The following ARRDC5 variants were observed in gnomAD, a reference collection of about 807,000 sequenced individuals.
The protein encoded by ARRDC5 is arrestin domain-containing protein 5.
In ARRDC5, 12 loss-of-function variants were observed where a neutral mutation model predicts 13.3. The observed-to-expected ratio is 0.90, with a 90% CI of 0.58 to 1.46. The LOEUF (loss-of-function observed/expected upper bound fraction) is 1.46, where lower values mean the gene tolerates loss of function less well. Ranked by LOEUF, ARRDC5 falls within the 40% of genes most tolerant of loss-of-function variation. The pLI, the probability that ARRDC5 is intolerant of heterozygous loss-of-function variation, is 0.00. For missense variants in ARRDC5, 406 were observed against 418.7 expected, an observed-to-expected ratio of 0.97 and a Z score of 0.26; for synonymous variants, 181 against 173.4, an observed-to-expected ratio of 1.04 and a Z score of -0.34.
At position 4,891,131 on chromosome 19, in the gene ARRDC5, A is replaced by G. The variant is rs763754851; in HGVS notation, c.902T>C (p.Ile301Thr). Reference protein sequence around the residue: ...LTSLKAKVPIIITSASVDSAI... With the variant: ...LTSLKAKVPITITSASVDSAI... ...AGAGTCCACTGAGGCGCTGGTGATGATGATGGGAACTTTGGCCTTGAGGCT... is the reference window on the plus strand; with the variant it reads ...AGAGTCCACTGAGGCGCTGGTGATGGTGATGGGAACTTTGGCCTTGAGGCT... The change falls in exon 3 of 3, where the codon ATC (isoleucine) becomes ACC (threonine). Residue 301 changes from isoleucine (I) to threonine (T), a missense_variant. Ile to Thr is a moderately conservative substitution (Grantham distance 89). Coordinates refer to ENST00000650722, the MANE Select transcript of ARRDC5 (RefSeq NM_001080523.3). 50 of 1,613,870 alleles carry G rather than the reference A, an allele frequency of 3.1e-5. No individual in the cohort carries two copies. The highest frequency in any genetic ancestry group is 4.0e-5 in the Non-Finnish European group (47 of 1,179,884).
upstream of ARRDC5, chr19:4,903,466 T>A (rs1237196301): frequency 2.0e-5 from 3 of 152,136 alleles, no homozygotes; most frequent in Non-Finnish European, 4.4e-5. Context: ...GCATGCACCA[T>A]CACCATGCTT....
At chr19:4,905,278 G>A (rs28397023), upstream of ARRDC5, among the ~76,000 whole-genome samples, 4,195 of 150,174 alleles carry the variant, frequency 0.028, 191 homozygotes, top group African/African-American at 0.097. Flanking sequence ...CACCATGCCC[G>A]GCTAATTTTT....
chr19:4,894,238 G>A (rs190938066), intron 2 of ARRDC5, among the ~76,000 whole-genome samples: 2,651 of 151,116 alleles, frequency 0.018, 70 homozygotes, highest in African/African-American at 0.062. Context: ...TTGGCCGGGC[G>A]CGGTGGCTCA....
At chr19:4,896,926 C>CCTT (rs765271854) in intron 1 of ARRDC5, 50 bp from the exon 2 acceptor site, 4 of 1,321,426 alleles carry the variant, frequency 3.0e-6, no homozygotes, top group Non-Finnish European at 4.2e-6. Flanking sequence ...AATCTTTTTT[C>CCTT]CTTCTTCTTC....
In ARRDC5 at chr19:4,890,825, T is replaced by G; in HGVS notation, c.*221A>C. The G allele has an allele frequency of 1.9e-6, 1 of 517,050 alleles. No homozygotes were observed. The highest frequency in any genetic ancestry group is 3.4e-6 in the Non-Finnish European group (1 of 291,800). 32.0% of individuals were successfully genotyped at this position (517,050 alleles called of 1,614,324 possible). ...GGTGGAAAAGGCAGGTTATGCCGGG[T>G]TTGGGTCCTGGGAGACCTTCCCGGT... is the stretch of plus-strand genomic sequence containing the variant. On this transcript the variant is annotated 3_prime_UTR_variant, in exon 3 of 3. Coordinates refer to ENST00000650722, the MANE Select transcript of ARRDC5 (RefSeq NM_001080523.3).
At chr19:4,895,422 C>CAAAAAAAAAAA (rs1039157516) in intron 2 of ARRDC5, among the ~76,000 whole-genome samples, 2 of 70,708 alleles carry the variant, frequency 2.8e-5, no homozygotes, top group African/African-American at 4.8e-5. Context: ...GACTCCGTCT[C>CAAAAAAAAAAA]AAAAAAAAAA....
rs780955150 is a variant in ARRDC5, at chr19:4,902,867, T to A, written c.-42A>T. 4.3e-6 allele frequency: 7 copies of A among 1,612,588 alleles called. No individual in the cohort carries two copies. The African/African-American group carries it at 9.3e-5, about 22-fold the overall frequency. On this transcript the variant is annotated 5_prime_UTR_variant, in exon 1 of 3. It removes an upstream start codon present in the reference 5' UTR. Transcript: ENST00000650722. ...GAGAGACATTCCTCTCTGTCCCCCA[T>A]GTCCCTGAAATTCCCGGTTCGTTGG...
rs2031815068 is a variant in ARRDC5 at position 4,898,729 on chromosome 19, T to C, written c.254-1853A>G. On this transcript the variant is annotated intron_variant, in intron 1 of 2. Transcript: ENST00000650722. ...TCAGCCTGGACCTCTTGGGCTCAAG[T>C]GATCCTCTTGCCTCAGCGCCCCAAG... 1.3e-5 allele frequency among the ~76,000 whole-genome samples: 2 copies of C among 150,334 alleles called. 1 individual carries two copies. Among genetic ancestry groups the C allele is most frequent in the South Asian group, 4.2e-4 (2 of 4,774 alleles).
At chr19:4,894,046 TAA>T (rs34393455) in intron 2 of ARRDC5, among the ~76,000 whole-genome samples, 1,990 of 121,104 alleles carry the variant, frequency 0.016, 51 homozygotes, top group African/African-American at 0.056. Flanking sequence ...AGACTCTGCC[TAA>T]AAAAAAAAAA....
In ARRDC5 at chr19:4,891,003, G is replaced by T; in HGVS notation, c.*43C>A. ...TGTGCAAGAGAGAGGGCTTCCTCCT[G>T]GTAGAGACTAATAAAGCTTTTAATA... On this transcript the variant is annotated 3_prime_UTR_variant, in exon 3 of 3. Transcript: ENST00000650722. The T allele has an allele frequency of 2.0e-6, 3 of 1,535,226 alleles. No individual in the cohort carries two copies. The Admixed American group carries it at 5.8e-5, about 30-fold the overall frequency.
chr19:4,891,409 G>A lies in ARRDC5; in HGVS notation c.624C>T (p.Val208=), dbSNP rs762396724. The A allele has an allele frequency of 3.7e-6, 6 of 1,613,228 alleles. No homozygotes were observed. The highest frequency in any genetic ancestry group is 2.7e-5 in the African/African-American group (2 of 74,942). Residue 208 remains valine, a synonymous_variant, in exon 3 of 3, where the codon GTC becomes GTT. Transcript: ENST00000650722. ...GTATGTGGGCATACAGGGCGAATAC[G>A]ACCGTCTTGATGCATTTGCTGGTCT... The part of the protein sequence containing the change: ...NNQTSKCIKT[V]VFALYAHIQY...
At position 4,899,788 on chromosome 19, in the gene ARRDC5, A is replaced by C. The variant is rs1258639588; in HGVS notation, c.253+2785T>G. Among the ~76,000 whole-genome samples, 4 of 145,912 alleles carry C rather than the reference A, an allele frequency of 2.7e-5. No homozygotes were observed. The Admixed American group carries it at 2.8e-4, about 10-fold the overall frequency. ...ACAAAAAAAAAAAAAAAAAAAAAAA[A>C]ATTAGCCAGGCGTGGTGGCGGGCAC... On this transcript the variant is annotated intron_variant, in intron 1 of 2. Coordinates refer to ENST00000650722, the MANE Select transcript of ARRDC5 (RefSeq NM_001080523.3).
chr19:4,896,361 T>TACACACACACAC (rs71170877), intron 2 of ARRDC5, among the ~76,000 whole-genome samples: 73 of 84,946 alleles, frequency 8.6e-4, no homozygotes, highest in African/African-American at 1.8e-3. Flanking sequence ...TTTTTTTTTT[T>TACACACACACAC]ACACACACAC....
chr19:4,891,671 G>A, intron 2 of ARRDC5, 98 bp from the exon 3 acceptor site: 2 of 1,112,440 alleles, frequency 1.8e-6, no homozygotes, highest in Non-Finnish European at 2.5e-6. Context: ...AAGTCTGTGG[G>A]GCTGGCTGGG....
At chr19:4,898,971 C>T (rs952000927) in intron 1 of ARRDC5, among the ~76,000 whole-genome samples, 18 of 151,746 alleles carry the variant, frequency 1.2e-4, no homozygotes, top group South Asian at 2.1e-4. Flanking sequence ...GCACCTAGCA[C>T]GGTGTTTGTG....
upstream of ARRDC5, among the ~76,000 whole-genome samples, chr19:4,903,821 A>G (rs1244623812): frequency 2.6e-5 from 4 of 152,008 alleles, no homozygotes; most frequent in African/African-American, 9.7e-5. Flanking sequence ...ACTCATTTTC[A>G]TCTTAAAGAC....
At chr19:4,909,735 G>A in the ARRDC5 span, 7 of 489,686 alleles carry the variant, frequency 1.4e-5, no homozygotes, top group Non-Finnish European at 1.8e-5. Context: ...TTTCCCGCGC[G>A]GCCAGCCCGG....
the ARRDC5 span, chr19:4,910,317 C>A: frequency 8.9e-6 from 1 of 112,850 alleles, no homozygotes; most frequent in Non-Finnish European, 1.9e-5. Flanking sequence ...CACCGCGGGG[C>A]GGGCCCGGTC....
chr19:4,902,385 T>C (rs751467132), intron 1 of ARRDC5, among the ~76,000 whole-genome samples, 188 bp downstream of exon 1: 1 of 152,212 alleles, frequency 6.6e-6, no homozygotes, highest in Admixed American at 6.5e-5. Context: ...CAGCTCCTTA[T>C]GTCTTGTTAT....
Sources: gnomAD v4.1 joint callset for allele counts (sites outside exome capture counted in the v4.1 genomes callset) on GRCh38, gnomAD v4.1.1 for gene constraint, MANE v1.5 for transcripts, NCBI Gene and HGNC (gene_info 2026-07-23, HGNC 2026-07-21) for gene names.